Variants in CTNNA3 observed in about 807,000 individuals in gnomAD.
CTNNA3 encodes the protein catenin alpha-3.
CTNNA3 carries 76 observed loss-of-function variants against 95.7 expected under a neutral mutation model. The ratio of observed to expected loss-of-function variants is 0.79; its 90% CI spans 0.66 to 0.96. CTNNA3 has a LOEUF of 0.96. CTNNA3 is among the 40% of genes least tolerant of loss of function. The probability of loss-of-function intolerance (pLI) is 0.00; values close to 1 mark genes in which losing one functional copy is unlikely to be tolerated. For missense variants in CTNNA3, 1,191 were observed against 1,089.8 expected, an observed-to-expected ratio of 1.09 and a Z score of -1.31; for synonymous variants, 431 against 374.4, an observed-to-expected ratio of 1.15 and a Z score of -1.74.
intron 13 of CTNNA3, among the ~76,000 whole-genome samples, chr10:66,188,593 C>G (rs918914736): frequency 2.9e-5 from 3 of 104,642 alleles, no homozygotes; most frequent in South Asian, 2.9e-4. Flanking sequence ...GAGGGGGGGT[C>G]TCTGTGTGTG....
chr10:66,167,090 T>C (rs1442642930), intron 13 of CTNNA3, among the ~76,000 whole-genome samples: 1 of 152,124 alleles, frequency 6.6e-6, no homozygotes, highest in Non-Finnish European at 1.5e-5. Flanking sequence ...CAATATGCCT[T>C]TCACAAACAA....
At chr10:67,438,041 A>G (rs1220037448) in intron 5 of CTNNA3, among the ~76,000 whole-genome samples, 6 of 152,128 alleles carry the variant, frequency 3.9e-5, no homozygotes, top group African/African-American at 1.4e-4. Flanking sequence ...CTAAAAAAAA[A>G]GAAAAAGACT....
intron 10 of CTNNA3, among the ~76,000 whole-genome samples, chr10:66,557,190 G>A (rs1842418436): frequency 6.6e-6 from 1 of 151,934 alleles, no homozygotes. Flanking sequence ...TTATATGTGT[G>A]CATATTGGGA....
Position 67,094,979 on chromosome 10 carries a change from T to C in CTNNA3, c.1047+85338A>G, listed in dbSNP as rs544688917. Among the ~76,000 whole-genome samples the C allele has an allele frequency of 2.6e-5, 4 of 151,602 alleles. No homozygotes were observed. The South Asian group carries it at 8.3e-4, about 31-fold the overall frequency. ...CATTTTCCATACCTGATTTAAATGA[T>C]TTTGAAACTATAAGTAATTGGCTTT... On this transcript the variant is annotated intron_variant, in intron 7 of 17. Transcript: ENST00000433211.
chr10:66,153,004 C>T (rs2084283394), intron 13 of CTNNA3, among the ~76,000 whole-genome samples: 1 of 151,830 alleles, frequency 6.6e-6, no homozygotes, highest in South Asian at 2.1e-4. Flanking sequence ...ACAACTTGGG[C>T]TCTGTTGATA....
chr10:67,052,056 A>G (rs1855131703), intron 7 of CTNNA3, among the ~76,000 whole-genome samples: 1 of 152,138 alleles, frequency 6.6e-6, no homozygotes, highest in Non-Finnish European at 1.5e-5. Context: ...CGCCTGGCCT[A>G]ACCTACAAAT....
intron 4 of CTNNA3, among the ~76,000 whole-genome samples, chr10:67,529,653 TAAATA>T (rs756383076): frequency 0.022 from 3,290 of 150,872 alleles, 146 homozygotes; most frequent in African/African-American, 0.075. Context: ...AATAATACAA[TAAATA>T]AAATAAAATA....
chr10:67,072,506 C>A (rs1341251053), intron 7 of CTNNA3, among the ~76,000 whole-genome samples: 1 of 152,116 alleles, frequency 6.6e-6, no homozygotes, highest in African/African-American at 2.4e-5. Context: ...TATCTTCCAC[C>A]AGAGCAGGTT....
intron 11 of CTNNA3, among the ~76,000 whole-genome samples, chr10:66,470,926 A>C (rs1157926315): frequency 6.6e-6 from 1 of 151,944 alleles, no homozygotes; most frequent in African/African-American, 2.4e-5. Context: ...GGAAGAAAAA[A>C]GTGAGAGAAG....
At chr10:67,258,482 A>C (rs1184099742) in intron 5 of CTNNA3, among the ~76,000 whole-genome samples, 1 of 152,048 alleles carries the variant, frequency 6.6e-6, no homozygotes, top group Non-Finnish European at 1.5e-5. Context: ...ATAATACCCA[A>C]ATTTTCTTAA....
chr10:66,825,244 ATT>A (rs1842460571), intron 7 of CTNNA3, among the ~76,000 whole-genome samples: 1 of 147,700 alleles, frequency 6.8e-6, no homozygotes, highest in African/African-American at 2.5e-5. Flanking sequence ...GACAATATAT[ATT>A]ATATAAATAA....
intron 17 of CTNNA3, among the ~76,000 whole-genome samples, chr10:65,947,090 G>GT (rs57602080): frequency 0.07 from 10,041 of 143,450 alleles, 536 homozygotes; most frequent in Admixed American, 0.1. Context: ...TCTTTTGTTT[G>GT]TTTTTTTTTT....
chr10:66,375,725 A>G (rs1263426087), intron 12 of CTNNA3, among the ~76,000 whole-genome samples: 1 of 152,210 alleles, frequency 6.6e-6, no homozygotes, highest in Non-Finnish European at 1.5e-5. Flanking sequence ...AATGAAATAC[A>G]TCTTAAAACT....
At chr10:66,921,139 A>G (rs1846764589) in intron 7 of CTNNA3, among the ~76,000 whole-genome samples, 1 of 152,196 alleles carries the variant, frequency 6.6e-6, no homozygotes, top group Non-Finnish European at 1.5e-5. Context: ...AGACAGCCTG[A>G]TTTCTGGCTT....
At position 67,744,213 on chromosome 10, in the gene CTNNA3, G is replaced by T. The variant is rs1272453301; in HGVS notation, c.-2+19221C>A. 2.0e-5 allele frequency among the ~76,000 whole-genome samples: 3 copies of T among 151,162 alleles called. 1 individual carries two copies. Among genetic ancestry groups the T allele is most frequent in the Non-Finnish European group, 1.5e-5 (1 of 67,700 alleles). Reference sequence around the variant, plus strand: ...TCAGCAAGTCAGTCCTAAGCCAAAAGAACAAAGCTGGAGGCATCACACTAC... The same window carrying T: ...TCAGCAAGTCAGTCCTAAGCCAAAATAACAAAGCTGGAGGCATCACACTAC... On this transcript the variant is annotated intron_variant, in intron 1 of 17. Transcript: ENST00000684154.
chr10:67,716,668 T>G (rs1400698545), intron 1 of CTNNA3, among the ~76,000 whole-genome samples: 1 of 152,228 alleles, frequency 6.6e-6, no homozygotes, highest in Admixed American at 6.5e-5. Context: ...TTTTTATGGC[T>G]GCATAGTATT....
chr10:66,687,414 T>G (rs956330080), intron 9 of CTNNA3, among the ~76,000 whole-genome samples: 2 of 152,118 alleles, frequency 1.3e-5, no homozygotes, highest in Non-Finnish European at 2.9e-5. Flanking sequence ...ATAAGAGCAT[T>G]TTAAGAAATA....
At chr10:67,690,508 T>C (rs1398462130) in intron 1 of CTNNA3, among the ~76,000 whole-genome samples, 3 of 152,142 alleles carry the variant, frequency 2.0e-5, no homozygotes, top group Non-Finnish European at 4.4e-5. Flanking sequence ...AGTGACTGGT[T>C]CTGTTTTTAC....
chr10:67,209,174 A>G (rs868292346), intron 6 of CTNNA3, among the ~76,000 whole-genome samples: 2 of 151,924 alleles, frequency 1.3e-5, no homozygotes, highest in African/African-American at 4.8e-5. Context: ...TCAGCTTCCC[A>G]AGTAGCTGGT....
Sources: gnomAD v4.1 joint callset for allele counts (sites outside exome capture counted in the v4.1 genomes callset) on GRCh38, gnomAD v4.1.1 for gene constraint, MANE v1.5 for transcripts, NCBI Gene and HGNC (gene_info 2026-07-23, HGNC 2026-07-21) for gene names.